The following RHOJ variants were observed in gnomAD, a reference collection of about 807,000 sequenced individuals.
The protein encoded by RHOJ is rho-related GTP-binding protein RhoJ.
A neutral mutation model predicts 23.4 loss-of-function variants in RHOJ; 11 were observed. The observed-to-expected ratio is 0.47, with a 90% confidence interval of 0.30 to 0.78. RHOJ has a LOEUF of 0.78. Ranked by LOEUF, RHOJ falls within the 30% of genes least tolerant of loss-of-function variation. The pLI, the probability that RHOJ is intolerant of heterozygous loss-of-function variation, is 0.08. For missense variants in RHOJ, 254 were observed against 273.4 expected (o/e 0.93, Z 0.50); for synonymous variants, 102 against 102.7 (o/e 0.99, Z 0.04).
At chr14:63,279,470 T>C (rs1881834527) in intron 2 of RHOJ, among the ~76,000 whole-genome samples, 2 of 152,230 alleles carry the variant, frequency 1.3e-5, no homozygotes, top group South Asian at 4.1e-4. Context: ...TATAAAAACA[T>C]ATAAAACTTT....
At chr14:63,264,833 T>C (rs1272335355) in intron 1 of RHOJ, among the ~76,000 whole-genome samples, 1 of 152,248 alleles carries the variant, frequency 6.6e-6, no homozygotes, top group Non-Finnish European at 1.5e-5. Context: ...TTTTGAGAAG[T>C]ATCTGTTCAT....
intron 3 of RHOJ, 52 bp from the exon 4 acceptor site, chr14:63,283,069 T>A: frequency 7.1e-7 from 1 of 1,412,822 alleles, no homozygotes; most frequent in East Asian, 2.3e-5. Flanking sequence ...GTTTAAAATA[T>A]CTGGCAAGGC....
intron 1 of RHOJ, among the ~76,000 whole-genome samples, chr14:63,205,921 T>C (rs1008418348): frequency 6.6e-4 from 100 of 152,382 alleles, no homozygotes; most frequent in African/African-American, 2.2e-3. Flanking sequence ...AGCAAGTTAA[T>C]GAAATTCTTC....
chr14:63,292,281 C>G lies in RHOJ; in HGVS notation c.*1257C>G, dbSNP rs1882277340. 6.6e-6 allele frequency: 1 copy of G among 152,140 alleles called. No homozygotes were observed. The highest frequency in any genetic ancestry group is 6.6e-5 in the Admixed American group (1 of 15,264). The allele number at this position is 152,140 out of a possible 1,614,324, so 9.4% of individuals were successfully genotyped here. A position where few individuals can be genotyped will look rare whatever the true frequency, so the allele number is the denominator to read the frequency against. ...TATCAGTGGATACCAAGCTCTGTATCCATTTGTCCCCTGCCCTCCACAATG... is the reference window on the plus strand; with the variant it reads ...TATCAGTGGATACCAAGCTCTGTATGCATTTGTCCCCTGCCCTCCACAATG... On this transcript the variant is annotated 3_prime_UTR_variant, in exon 5 of 5. Coordinates refer to ENST00000316754, the MANE Select transcript of RHOJ (RefSeq NM_020663.5).
intron 1 of RHOJ, among the ~76,000 whole-genome samples, chr14:63,230,074 A>G (rs1894662848): frequency 6.6e-6 from 1 of 152,108 alleles, no homozygotes; most frequent in South Asian, 2.1e-4. Context: ...AACCACCCTT[A>G]CAGAAAAACA....
rs28716860 is a variant in RHOJ at position 63,210,422 on chromosome 14, A to G, written c.178+5375A>G. ...AAACTCCTCTAGTTCTAATATACAGAGCATATTTCAGAGTAACCCTAAGTT... is the reference window on the plus strand; with the variant it reads ...AAACTCCTCTAGTTCTAATATACAGGGCATATTTCAGAGTAACCCTAAGTT... On this transcript the variant is annotated intron_variant, in intron 1 of 4. Transcript: ENST00000316754. Among the ~76,000 whole-genome samples, 1,502 of 152,310 alleles carry G rather than the reference A, an allele frequency of 9.9e-3. 22 individuals are homozygous for G. Among genetic ancestry groups the G allele is most frequent in the African/African-American group, 0.034 (1,423 of 41,554 alleles).
At chr14:63,269,249 C>A in intron 2 of RHOJ, 81 bp downstream of exon 2, 1 of 979,418 alleles carries the variant, frequency 1.0e-6, no homozygotes, top group Non-Finnish European at 1.6e-6. Context: ...AGATGGGACT[C>A]ATAGCACAGA....
chr14:63,274,813 C>T (rs1881666371), intron 2 of RHOJ, among the ~76,000 whole-genome samples: 2 of 152,196 alleles, frequency 1.3e-5, no homozygotes, highest in East Asian at 3.8e-4. Context: ...TGTTCTTAAG[C>T]ACCATGCTAT....
intron 1 of RHOJ, among the ~76,000 whole-genome samples, chr14:63,217,159 C>T (rs141998033): frequency 4.6e-5 from 7 of 150,820 alleles, no homozygotes; most frequent in African/African-American, 1.7e-4. Flanking sequence ...CATACGTATA[C>T]ATGTGCCATG....
chr14:63,221,803 G>A (rs989749998), intron 1 of RHOJ, among the ~76,000 whole-genome samples: 3 of 152,168 alleles, frequency 2.0e-5, no homozygotes, highest in Admixed American at 6.5e-5. Flanking sequence ...TGAATGTCAA[G>A]AGAACAAAGG....
intron 1 of RHOJ, among the ~76,000 whole-genome samples, chr14:63,261,567 G>A (rs1895272638): frequency 6.6e-6 from 1 of 150,976 alleles, no homozygotes; most frequent in Non-Finnish European, 1.5e-5. Flanking sequence ...AGTAGCTGGG[G>A]CTACTTGATA....
rs186825071 is a variant in RHOJ at position 63,263,534 on chromosome 14, C to T, written c.179-5576C>T. On this transcript the variant is annotated intron_variant, in intron 1 of 4. Coordinates refer to ENST00000316754, the MANE Select transcript of RHOJ (RefSeq NM_020663.5). ...TGATAGAACGAGAGAATAAAAGGGC[C>T]GAGAAGAGGAAATGAAAAGTTAAGG... 3.1e-4 allele frequency among the ~76,000 whole-genome samples: 47 copies of T among 152,150 alleles called. 1 individual carries two copies. Among genetic ancestry groups the T allele is most frequent in the African/African-American group, 1.1e-3 (45 of 41,498 alleles).
chr14:63,215,795 C>T (rs1333545124), intron 1 of RHOJ, among the ~76,000 whole-genome samples: 2 of 152,084 alleles, frequency 1.3e-5, no homozygotes, highest in Non-Finnish European at 2.9e-5. Flanking sequence ...GCTTGTCTCC[C>T]CCTAGAATAT....
chr14:63,225,001 G>A (rs377472271), intron 1 of RHOJ, among the ~76,000 whole-genome samples: 2 of 148,180 alleles, frequency 1.3e-5, no homozygotes, highest in African/African-American at 5.0e-5. Context: ...GGCCCAGGCC[G>A]GAGTGCAGTG....
At chr14:63,279,022 G>C (rs1881815982) in intron 2 of RHOJ, among the ~76,000 whole-genome samples, 1 of 152,096 alleles carries the variant, frequency 6.6e-6, no homozygotes, top group Non-Finnish European at 1.5e-5. Flanking sequence ...TGTTTGGAAG[G>C]ACAATGTTTA....
chr14:63,205,935 C>T (rs1894099781), intron 1 of RHOJ, among the ~76,000 whole-genome samples: 1 of 152,158 alleles, frequency 6.6e-6, no homozygotes, highest in Non-Finnish European at 1.5e-5. Flanking sequence ...ATTCTTCAAG[C>T]TTATGGTAGC....
At chr14:63,286,177 G>A (rs1338389014) in intron 4 of RHOJ, among the ~76,000 whole-genome samples, 1 of 152,152 alleles carries the variant, frequency 6.6e-6, no homozygotes, top group Non-Finnish European at 1.5e-5. Context: ...CACCTGCCTT[G>A]TGCTGGCCAT....
At chr14:63,220,428 A>G (rs1340305420) in intron 1 of RHOJ, among the ~76,000 whole-genome samples, 1 of 151,538 alleles carries the variant, frequency 6.6e-6, no homozygotes, top group Non-Finnish European at 1.5e-5. Flanking sequence ...AAACCTGCAC[A>G]TGTATCCCTG....
At chr14:63,223,140 G>A (rs953327454) in intron 1 of RHOJ, among the ~76,000 whole-genome samples, 3 of 152,196 alleles carry the variant, frequency 2.0e-5, no homozygotes, top group Admixed American at 2.0e-4. Context: ...ATGTGAAGAT[G>A]CTCCATCTTG....
Sources: allele counts gnomAD v4.1 joint callset (sites outside exome capture counted in the v4.1 genomes callset), GRCh38; gene constraint gnomAD v4.1.1; transcripts MANE v1.5; gene names NCBI Gene and HGNC (gene_info 2026-07-23, HGNC 2026-07-21).